Variants in ASTN1 observed in about 807,000 individuals in gnomAD.
ASTN1 encodes astrotactin-1.
A neutral mutation model predicts 140.7 loss-of-function variants in ASTN1; 41 were observed. That is an observed-to-expected ratio of 0.29 (90% CI 0.23 to 0.38). The LOEUF is 0.38. Ranked by LOEUF, ASTN1 falls within the 10% of genes least tolerant of loss-of-function variation. The pLI, the probability that ASTN1 is intolerant of heterozygous loss-of-function variation, is 1.00. For missense variants in ASTN1, 1,479 were observed against 1,678.8 expected (o/e 0.88, Z 2.08); for synonymous variants, 640 against 652.2 (o/e 0.98, Z 0.29).
In ASTN1 at chr1:176,936,426, CA is replaced by C. The variant is rs1671451586; in HGVS notation, c.2378-57del. 7.7e-6 allele frequency: 11 copies of C among 1,434,746 alleles called. No individual in the cohort carries two copies. In the East Asian group the frequency reaches 2.5e-4, roughly 33 times the overall value. The allele number at this position is 1,434,746 out of a possible 1,614,324, so 88.9% of individuals were successfully genotyped here. The stretch of plus-strand genomic sequence containing the variant: ...TGATACTGATTCATAAGTTCCAAAT[CA>C]AAAAGCATGACCCACCTCTATGAGG... On this transcript the variant is annotated intron_variant, in intron 14 of 22. Transcript: ENST00000361833.
At chr1:177,163,415 T>C (rs1571870606) in intron 1 of ASTN1, among the ~76,000 whole-genome samples, 1 of 152,150 alleles carries the variant, frequency 6.6e-6, no homozygotes. Flanking sequence ...CATGAACTTG[T>C]GGTGCTTTGC....
chr1:177,029,353 A>G, intron 5 of ASTN1: 1 of 636,996 alleles, frequency 1.6e-6, no homozygotes, highest in Non-Finnish European at 3.1e-6. Context: ...TGAGTCTTCC[A>G]GAAGAAATTG....
Position 176,864,217 on chromosome 1 carries a change from G to T in ASTN1, c.*67C>A. 6.4e-7 allele frequency: 1 copy of T among 1,562,646 alleles called. No homozygotes were observed. Among genetic ancestry groups the T allele is most frequent in the South Asian group, 1.2e-5 (1 of 83,780 alleles). On this transcript the variant is annotated 3_prime_UTR_variant, in exon 23 of 23. Transcript: ENST00000361833. ...CATTAAAAAATATTAAAAATCCACA[G>T]ACCAACCCAGATGGATCCCTCCTCT... is the stretch of plus-strand genomic sequence containing the variant.
At chr1:176,998,241 T>C (rs761136428) in intron 8 of ASTN1, among the ~76,000 whole-genome samples, 6 of 152,166 alleles carry the variant, frequency 3.9e-5, no homozygotes, top group Admixed American at 3.9e-4. Context: ...GCAAATAATA[T>C]GAATACTCAT....
chr1:177,019,373 C>G (rs1675706363), intron 7 of ASTN1, among the ~76,000 whole-genome samples: 1 of 152,138 alleles, frequency 6.6e-6, no homozygotes, highest in Non-Finnish European at 1.5e-5. Flanking sequence ...CACTGGTCTC[C>G]CCTGACCTGG....
intron 1 of ASTN1, among the ~76,000 whole-genome samples, chr1:177,154,669 A>G (rs904844828): frequency 7.7e-6 from 1 of 130,530 alleles, no homozygotes; most frequent in African/African-American, 4.4e-5. Flanking sequence ...GCAAGAACAC[A>G]TACCAAAAAA....
chr1:176,983,377 T>C lies in ASTN1; in HGVS notation c.1524-18140A>G, dbSNP rs138178660. 1.9e-3 allele frequency among the ~76,000 whole-genome samples: 293 copies of C among 152,296 alleles called. 3 individuals carry two copies. Among genetic ancestry groups the C allele is most frequent in the African/African-American group, 6.5e-3 (269 of 41,560 alleles). On this transcript the variant is annotated intron_variant, in intron 8 of 22. Transcript: ENST00000361833. ...AAAATTATCACAAGTTTCTCAATTT[T>C]CTTGTTATTTTCCACGTAAAAGACA...
intron 2 of ASTN1, among the ~76,000 whole-genome samples, chr1:177,053,806 C>T (rs547156751): frequency 3.9e-5 from 6 of 152,136 alleles, no homozygotes; most frequent in African/African-American, 1.4e-4. Flanking sequence ...ATAAACCCAC[C>T]ACCAGCTGTG....
intron 2 of ASTN1, among the ~76,000 whole-genome samples, chr1:177,034,422 G>T (rs1676610270): frequency 6.6e-6 from 1 of 152,012 alleles, no homozygotes; most frequent in African/African-American, 2.4e-5. Context: ...TTCTTTTTTT[G>T]CAGAACCCTT....
At chr1:176,952,855 G>T (rs180899777) in intron 11 of ASTN1, among the ~76,000 whole-genome samples, 4 of 152,268 alleles carry the variant, frequency 2.6e-5, no homozygotes, top group Non-Finnish European at 4.4e-5. Context: ...GATCAGGAGA[G>T]ACCCCCAAGG....
At chr1:176,996,700 A>G (rs1412952266) in intron 8 of ASTN1, among the ~76,000 whole-genome samples, 1 of 152,134 alleles carries the variant, frequency 6.6e-6, no homozygotes, top group Non-Finnish European at 1.5e-5. Flanking sequence ...AGGGCACATC[A>G]GGGGTTGCTG....
intron 21 of ASTN1, among the ~76,000 whole-genome samples, chr1:176,875,937 G>A (rs1205976679): frequency 2.0e-5 from 3 of 152,142 alleles, no homozygotes; most frequent in Non-Finnish European, 4.4e-5. Flanking sequence ...ATGAGGAAAA[G>A]GTAAGCTTTG....
chr1:176,866,321 G>T (rs542875458), intron 22 of ASTN1, among the ~76,000 whole-genome samples: 1 of 152,228 alleles, frequency 6.6e-6, no homozygotes, highest in South Asian at 2.1e-4. Context: ...TCAATGGTGG[G>T]TCAGAAGAAA....
intron 1 of ASTN1, 74 bp downstream of exon 1, chr1:177,164,320 T>TA: frequency 7.2e-7 from 1 of 1,380,476 alleles, no homozygotes; most frequent in Non-Finnish European, 9.5e-7. Flanking sequence ...AGTGGGTGTG[T>TA]AGAGCGAGCT....
chr1:176,980,920 C>T (rs910664989), intron 8 of ASTN1, among the ~76,000 whole-genome samples: 1 of 151,944 alleles, frequency 6.6e-6, no homozygotes, highest in African/African-American at 2.4e-5. Flanking sequence ...CAGTAAGCAC[C>T]AAGGAAATAG....
intron 1 of ASTN1, among the ~76,000 whole-genome samples, chr1:177,149,509 AAT>A (rs1553263157): frequency 1.2e-4 from 7 of 60,790 alleles, no homozygotes; most frequent in African/African-American, 5.1e-4. Flanking sequence ...ATATATAGTA[AAT>A]ATATATAGTA....
chr1:177,018,203 A>T (rs1025082275), intron 7 of ASTN1, among the ~76,000 whole-genome samples: 1 of 152,168 alleles, frequency 6.6e-6, no homozygotes, highest in Non-Finnish European at 1.5e-5. Flanking sequence ...AGTCAGAGGG[A>T]AGTGTGCCAA....
At chr1:177,015,655 A>T (rs560939222) in intron 7 of ASTN1, among the ~76,000 whole-genome samples, 2 of 152,302 alleles carry the variant, frequency 1.3e-5, no homozygotes, top group Admixed American at 6.5e-5. Context: ...GGACCCATGA[A>T]TCTTCTGGAA....
chr1:177,147,652 A>G (rs1375943187), intron 1 of ASTN1, among the ~76,000 whole-genome samples: 2 of 152,156 alleles, frequency 1.3e-5, no homozygotes, highest in African/African-American at 4.8e-5. Flanking sequence ...AGTGGAGGAG[A>G]GTTGTTGAAG....
Sources: allele counts gnomAD v4.1 joint callset (sites outside exome capture counted in the v4.1 genomes callset), GRCh38; gene constraint gnomAD v4.1.1; transcripts MANE v1.5; gene names NCBI Gene and HGNC (gene_info 2026-07-23, HGNC 2026-07-21).